MLANA: variants seen among roughly 807,000 people sequenced by gnomAD.
MLANA encodes melan-A.
In MLANA, 21 loss-of-function variants were observed where a neutral mutation model predicts 15.7. The ratio of observed to expected loss-of-function variants is 1.33; its 90% CI spans 0.95 to 1.92. MLANA has a LOEUF of 1.92. Among genes scored for constraint, MLANA ranks in the 40% most tolerant of loss-of-function variants. The pLI, the probability that MLANA is intolerant of heterozygous loss-of-function variation, is 0.00. For missense variants in MLANA, 164 were observed against 143.8 expected (o/e 1.14, Z -0.72); for synonymous variants, 56 against 51.5 (o/e 1.09, Z -0.37).
chr9:5,906,853 C>G, intron 3 of MLANA, 32 bp from the exon 4 acceptor site: 1 of 1,371,306 alleles, frequency 7.3e-7, no homozygotes. Context: ...TACTTCTTCT[C>G]ACCCACTCAC....
At position 5,909,077 on chromosome 9, in the gene MLANA, G is replaced by C; in HGVS notation, c.*369G>C. 4 of 272,382 alleles carry C rather than the reference G, an allele frequency of 1.5e-5. No individual in the cohort carries two copies. Among genetic ancestry groups the C allele is most frequent in the Non-Finnish European group, 2.8e-5 (4 of 142,246 alleles). 16.9% of individuals were successfully genotyped at this position (272,382 alleles called of 1,614,324 possible). The stretch of plus-strand genomic sequence containing the variant: ...CTAATAACAAACTAGTCAGGTTTTC[G>C]AACCTTGACCGACATGAACTGTACA... On this transcript the variant is annotated 3_prime_UTR_variant, in exon 5 of 5. Coordinates refer to ENST00000381477, the MANE Select transcript of MLANA (RefSeq NM_005511.2).
chr9:5,899,191 T>C (rs1246992124), intron 3 of MLANA: 1 of 152,196 alleles, frequency 6.6e-6, no homozygotes, highest in Non-Finnish European at 1.5e-5. Context: ...AAAAAGTATC[T>C]TTCCAAAAGA....
intron 3 of MLANA, among the ~76,000 whole-genome samples, chr9:5,899,868 C>T (rs1832301173): frequency 6.6e-6 from 1 of 152,140 alleles, no homozygotes; most frequent in South Asian, 2.1e-4. Context: ...CCATTGTCTG[C>T]CATTGAGTTG....
chr9:5,904,231 G>C (rs1312520075), intron 3 of MLANA, among the ~76,000 whole-genome samples: 2 of 152,202 alleles, frequency 1.3e-5, no homozygotes, highest in East Asian at 1.9e-4. Context: ...AGAACACATA[G>C]TTGGGTCTTG....
At chr9:5,897,520 T>A in intron 2 of MLANA, 37 bp from the exon 3 acceptor site, 1 of 1,559,158 alleles carries the variant, frequency 6.4e-7, no homozygotes, top group South Asian at 1.1e-5. Context: ...GAACAATGTT[T>A]CAATGACAAA....
intron 1 of MLANA, 42 bp downstream of exon 1, chr9:5,890,978 C>A (rs547919747): frequency 6.6e-6 from 1 of 152,148 alleles, no homozygotes; most frequent in East Asian, 1.9e-4. Flanking sequence ...GTCCTCTTCT[C>A]CCAGAATAGG....
At chr9:5,907,202 G>T in intron 4 of MLANA, 1 of 338,480 alleles carries the variant, frequency 3.0e-6, no homozygotes, top group Non-Finnish European at 5.3e-6. Context: ...AACAAGGGAA[G>T]TACAGATATT....
chr9:5,901,306 T>G (rs1399126445), intron 3 of MLANA, among the ~76,000 whole-genome samples: 1 of 152,190 alleles, frequency 6.6e-6, no homozygotes, highest in Non-Finnish European at 1.5e-5. Context: ...TTCCTGATCT[T>G]AGCAGAAAAG....
intron 3 of MLANA, among the ~76,000 whole-genome samples, chr9:5,899,952 A>G (rs1832309015): frequency 6.6e-6 from 1 of 152,222 alleles, no homozygotes; most frequent in African/African-American, 2.4e-5. Flanking sequence ...GAAATCTGTG[A>G]TGTAACACAA....
intron 3 of MLANA, among the ~76,000 whole-genome samples, chr9:5,899,969 T>A (rs546188736): frequency 1.3e-5 from 2 of 152,366 alleles, no homozygotes; most frequent in Admixed American, 1.3e-4. Context: ...ACAATGTATA[T>A]CCATTTTTAT....
chr9:5,904,293 T>C (rs939879874), intron 3 of MLANA, among the ~76,000 whole-genome samples: 10 of 152,238 alleles, frequency 6.6e-5, no homozygotes, highest in African/African-American at 2.4e-4. Context: ...TTTAGACCAT[T>C]GATATTCAAA....
intron 3 of MLANA, among the ~76,000 whole-genome samples, chr9:5,899,933 G>A (rs1285899919): frequency 6.6e-6 from 1 of 152,072 alleles, no homozygotes; most frequent in Non-Finnish European, 1.5e-5. Flanking sequence ...TTTACACCCA[G>A]ACATGTTGGA....
At chr9:5,898,564 C>G (rs549746621) in intron 3 of MLANA, among the ~76,000 whole-genome samples, 5 of 152,254 alleles carry the variant, frequency 3.3e-5, no homozygotes, top group African/African-American at 1.2e-4. Flanking sequence ...CTACTCATAG[C>G]AGACTTGGGT....
chr9:5,895,389 T>C (rs546422341), intron 2 of MLANA, among the ~76,000 whole-genome samples: 1 of 152,146 alleles, frequency 6.6e-6, no homozygotes, highest in East Asian at 1.9e-4. Flanking sequence ...TCTTCTTTTT[T>C]TTTTTTTAAT....
chr9:5,897,726 T>C (rs1832127444), intron 3 of MLANA, 73 bp downstream of exon 3: 1 of 1,266,098 alleles, frequency 7.9e-7, no homozygotes, highest in Non-Finnish European at 1.2e-6. Context: ...TCTGAATCTC[T>C]GGAGAGTCAG....
At chr9:5,906,214 C>CA (rs544559840) in intron 3 of MLANA, among the ~76,000 whole-genome samples, 170 of 146,692 alleles carry the variant, frequency 1.2e-3, no homozygotes, top group African/African-American at 4.1e-3. Flanking sequence ...GAAAGAAAAA[C>CA]AAAGTTTTAG....
chr9:5,908,900 T>G lies in MLANA; in HGVS notation c.*192T>G. ...TCATGTGAGGAAATGATGAGAAATA[T>G]TAAATTGGGAAAACTCCATCAATAA... On this transcript the variant is annotated 3_prime_UTR_variant, in exon 5 of 5. Transcript: ENST00000381477. 1.8e-6 allele frequency: 1 copy of G among 564,958 alleles called. No homozygotes were observed. Among genetic ancestry groups the G allele is most frequent in the Non-Finnish European group, 3.1e-6 (1 of 319,736 alleles). 35.0% of individuals were successfully genotyped at this position (564,958 alleles called of 1,614,324 possible).
chr9:5,908,366 G>C (rs796971625), intron 4 of MLANA, among the ~76,000 whole-genome samples: 2 of 152,278 alleles, frequency 1.3e-5, no homozygotes, highest in African/African-American at 4.8e-5. Flanking sequence ...GTTAGGGCTT[G>C]AGACTTTTAC....
chr9:5,902,261 A>G (rs1832481397), intron 3 of MLANA, among the ~76,000 whole-genome samples: 1 of 151,798 alleles, frequency 6.6e-6, no homozygotes, highest in South Asian at 2.1e-4. Context: ...GAATTGTTAC[A>G]TTCACCTAGG....
Sources: allele counts gnomAD v4.1 joint callset (sites outside exome capture counted in the v4.1 genomes callset), GRCh38; gene constraint gnomAD v4.1.1; transcripts MANE v1.5; gene names NCBI Gene and HGNC (gene_info 2026-07-23, HGNC 2026-07-21).